Variants in GRN observed in about 807,000 individuals in gnomAD.
GRN encodes the protein granulin precursor.
A neutral mutation model predicts 66.7 loss-of-function variants in GRN; 30 were observed. That is an observed-to-expected ratio of 0.45 (90% CI 0.34 to 0.61). The LOEUF (loss-of-function observed/expected upper bound fraction) is 0.61. GRN is among the 20% of genes least tolerant of loss of function. The pLI is 0.01. For synonymous variants in GRN, 327 were observed against 311.1 expected, an observed-to-expected ratio of 1.05 and a Z score of -0.54; for missense variants, 731 against 803.5, an observed-to-expected ratio of 0.91 and a Z score of 1.09.
intron 6 of GRN, 26 bp from the exon 7 acceptor site, chr17:44,350,665 G>A (rs750513486): frequency 6.2e-7 from 1 of 1,611,098 alleles, no homozygotes; most frequent in South Asian, 1.1e-5. Flanking sequence ...CATCCTGGCT[G>A]CCCCTCACGT....
chr17:44,350,043 G>C, intron 4 of GRN, 185 bp from the exon 5 acceptor site: 1 of 677,046 alleles, frequency 1.5e-6, no homozygotes, highest in East Asian at 2.7e-5. Context: ...ATGCCATCTT[G>C]CTGAGGGAGG....
chr17:44,351,163 G>GCTGA lies in GRN; in HGVS notation c.835_835+1insCTGA (p.Val279AlafsTer8), dbSNP rs63750976. On this transcript the variant is annotated frameshift_variant and splice_region_variant. Transcript: ENST00000053867. LOFTEE classifies it high-confidence loss of function. ...CCTCACTAAGCTGCCTGCGCACACA[G>GCTGA]GTACCAGAGGCAGGGTGCAGATACA... The GCTGA allele has an allele frequency of 1.2e-6, 2 of 1,614,178 alleles. No homozygotes were observed. The highest frequency in any genetic ancestry group is 1.7e-6 in the Non-Finnish European group (2 of 1,180,008).
At chr17:44,349,855 C>T (rs561367027) in intron 4 of GRN, 104 bp downstream of exon 4, 4 of 779,184 alleles carry the variant, frequency 5.1e-6, no homozygotes, top group African/African-American at 3.4e-5. Context: ...GCCCTTGTGC[C>T]CTCATTCATG....
In GRN at chr17:44,349,703, C is replaced by T. The variant is rs543578531; in HGVS notation, c.301C>T (p.Arg101Trp). The T allele has an allele frequency of 1.7e-5, 28 of 1,612,972 alleles. No individual in the cohort carries two copies. Among genetic ancestry groups the T allele is most frequent in the African/African-American group, 5.3e-5 (4 of 74,934 alleles). ...CGGGGATGGCCATCACTGCTGCCCA[C>T]GGGGCTTCCACTGCAGTGCAGACGG... ...ACGDGHHCCP[R>W]GFHCSADGRS... Residue 101 changes from arginine to tryptophan, a missense_variant, in exon 4 of 13, where the codon CGG (arginine) becomes TGG (tryptophan). Around this residue, in one of 3 missense-constraint regions of GRN, gnomAD observed 370 missense variants for 379.8 expected, o/e 0.97. Transcript: ENST00000053867.
rs750822791 is a variant in GRN, at chr17:44,351,539, A to T, written c.934-11A>T. The T allele has an allele frequency of 1.1e-5, 17 of 1,613,946 alleles. No individual in the cohort carries two copies. In the South Asian group the frequency reaches 1.6e-4, roughly 16 times the overall value. ...CCCCAGTGCCCACCTGCCCTTCTTC[A>T]TCTGCCCTAGGCTGTGTGCTGTGAG... On this transcript the variant is annotated splice_polypyrimidine_tract_variant and intron_variant, in intron 9 of 12. Transcript: ENST00000053867.
chr17:44,351,429 C>T lies in GRN; in HGVS notation c.902C>T (p.Ser301Leu), dbSNP rs1026683055. ...PDGYTCCRLQ[S>L]GAWGCCPFTQ... ...GGCTATACCTGCTGCCGTCTACAGT[C>T]GGGGGCCTGGGGCTGCTGCCCTTTT... is the stretch of plus-strand genomic sequence containing the variant. The change falls in exon 9 of 13, where the codon TCG becomes TTG. Residue 301 changes from serine (S) to leucine (L), a missense_variant. By Grantham distance (145) the Ser-to-Leu change is moderately radical (BLOSUM62 -2). Transcript: ENST00000053867. 28 of 1,354,590 alleles carry T rather than the reference C, an allele frequency of 2.1e-5. No homozygotes were observed. The highest frequency in any genetic ancestry group is 3.0e-5 in the African/African-American group (2 of 66,052). 83.9% of individuals were successfully genotyped at this position (1,354,590 alleles called of 1,614,324 possible).
At chr17:44,350,639 A>T (rs765008327) in intron 6 of GRN, 52 bp from the exon 7 acceptor site, 9 of 1,611,682 alleles carry the variant, frequency 5.6e-6, no homozygotes, top group Non-Finnish European at 6.8e-6. Flanking sequence ...CTCCAAGTGT[A>T]GGAAAAAGTT....
chr17:44,346,991 C>A (rs1418948690), intron 1 of GRN, among the ~76,000 whole-genome samples: 1 of 151,960 alleles, frequency 6.6e-6, no homozygotes, highest in Non-Finnish European at 1.5e-5. Flanking sequence ...GTAGCGCACA[C>A]CTATAATCCC....
Position 44,350,809 on chromosome 17 carries a change from G to A in GRN, c.708+9G>A, listed in dbSNP as rs985978553. The A allele has an allele frequency of 1.3e-6, 2 of 1,598,794 alleles. No individual in the cohort carries two copies. The highest frequency in any genetic ancestry group is 2.2e-5 in the East Asian group (1 of 44,824). ...GCTGCCCAATGCCCAACGTGAGTGA[G>A]GGGCTGGAGCCAGCTTGGCTGTGTG... On this transcript the variant is annotated intron_variant, in intron 7 of 12. Transcript: ENST00000053867.
At position 44,352,985 on chromosome 17, in the gene GRN, A is replaced by AT. The variant is rs1392465795; in HGVS notation, c.*189dup. On this transcript the variant is annotated 3_prime_UTR_variant, in exon 13 of 13. Coordinates refer to ENST00000053867, the MANE Select transcript of GRN (RefSeq NM_002087.4). ...AGAAGGGGGTTGTGGCAAAAGCCAC[A>AT]TTACAAGCTGCCATCCCCTCCCCGT... 1 of 643,482 alleles carries AT rather than the reference A, an allele frequency of 1.6e-6. No homozygotes were observed. The highest frequency in any genetic ancestry group is 1.8e-5 in the African/African-American group (1 of 55,170). 39.9% of individuals were successfully genotyped at this position (643,482 alleles called of 1,614,324 possible).
rs751072702 is a variant in GRN, at chr17:44,352,192, G to A, written c.1357G>A (p.Gly453Arg). 5 of 1,613,282 alleles carry A rather than the reference G, an allele frequency of 3.1e-6. No homozygotes were observed. In the East Asian group the frequency reaches 8.9e-5, roughly 29 times the overall value. Residue 453 changes from glycine (G) to arginine (R), a missense_variant, in exon 11 of 13, where the codon GGG (glycine) becomes AGG (arginine). By Grantham distance (125) the Gly-to-Arg change is moderately radical. Transcript: ENST00000053867. ...TGACCAGCACACCAGCTGCCCGGTG[G>A]GGCAGACCTGCTGCCCGAGCCTGGG... Reference protein sequence around the residue: ...GCDQHTSCPVGQTCCPSLGGS... With the variant: ...GCDQHTSCPVRQTCCPSLGGS...
At position 44,348,199 on chromosome 17, in the gene GRN, CTTCATTATGAG is replaced by C. The variant is rs961535244; in HGVS notation, c.-7-956_-7-946del. On this transcript the variant is annotated intron_variant, in intron 1 of 12. Coordinates refer to ENST00000053867, the MANE Select transcript of GRN (RefSeq NM_002087.4). ...TCAACAGACATTACTGTTTTTGCTT[CTTCATTATGAG>C]TTACCTCTCTGGCCACCCCACTGAA... 1.6e-4 allele frequency among the ~76,000 whole-genome samples: 25 copies of C among 152,312 alleles called. No individual in the cohort carries two copies. The East Asian group carries it at 1.9e-3, about 12-fold the overall frequency.
intron 8 of GRN, 91 bp downstream of exon 8, chr17:44,351,254 GT>G: frequency 6.4e-7 from 1 of 1,561,092 alleles, no homozygotes; most frequent in Non-Finnish European, 8.8e-7. Context: ...GGTGTAAGCG[GT>G]ACCCTCCATC....
rs2048337901 is a variant in GRN, at chr17:44,347,946, G to GAAC, written c.-7-1212_-7-1211insAAC. Among the ~76,000 whole-genome samples, 19 of 42,564 alleles carry GAAC rather than the reference G, an allele frequency of 4.5e-4. 1 individual carries two copies. The highest frequency in any genetic ancestry group is 1.0e-3 in the Non-Finnish European group (16 of 16,010). The allele number at this position is 42,564 out of a possible 152,430, so 27.9% of individuals were successfully genotyped here. ...CTGTCTCAAAAAAAAAAAAAAAAAG[G>GAAC]GGGTGAGCAGACGTGGTGGCACGCT... On this transcript the variant is annotated intron_variant, in intron 1 of 12. Coordinates refer to ENST00000053867, the MANE Select transcript of GRN (RefSeq NM_002087.4).
Position 44,352,545 on chromosome 17 carries a change from G to C in GRN, c.1618G>C (p.Gly540Arg), listed in dbSNP as rs770884002. ...NQTCCRDNRQ[G>R]WACCPYRQGV... is the part of the protein sequence containing the mutation. ...GACCTGCTGCCGAGACAACCGACAGGGCTGGGCCTGCTGTCCCTACCGCCA... is the reference window on the plus strand; with the variant it reads ...GACCTGCTGCCGAGACAACCGACAGCGCTGGGCCTGCTGTCCCTACCGCCA... Residue 540 changes from glycine to arginine, a missense_variant, in exon 12 of 13, where the codon GGC becomes CGC. Coordinates refer to ENST00000053867, the MANE Select transcript of GRN (RefSeq NM_002087.4). The C allele has an allele frequency of 1.9e-6, 3 of 1,613,332 alleles. No individual in the cohort carries two copies. The highest frequency in any genetic ancestry group is 2.5e-6 in the Non-Finnish European group (3 of 1,179,876).
At position 44,350,817 on chromosome 17, in the gene GRN, A is replaced by G; in HGVS notation, c.708+17A>G. 6.3e-7 allele frequency: 1 copy of G among 1,588,570 alleles called. No individual in the cohort carries two copies. The highest frequency in any genetic ancestry group is 8.6e-7 in the Non-Finnish European group (1 of 1,156,982). Reference sequence around the variant, plus strand: ...ATGCCCAACGTGAGTGAGGGGCTGGAGCCAGCTTGGCTGTGTGCCCCCAGC... The same window carrying G: ...ATGCCCAACGTGAGTGAGGGGCTGGGGCCAGCTTGGCTGTGTGCCCCCAGC... On this transcript the variant is annotated intron_variant, in intron 7 of 12. Transcript: ENST00000053867.
intron 6 of GRN, 44 bp downstream of exon 6, chr17:44,350,621 C>T: frequency 3.1e-6 from 5 of 1,612,018 alleles, no homozygotes; most frequent in Non-Finnish European, 4.2e-6. Flanking sequence ...GGGGCGGGGC[C>T]TCATTGACTC....
rs1467250180 is a variant in GRN at position 44,349,441 on chromosome 17, A to G, written c.154A>G (p.Thr52Ala). 4 of 1,614,220 alleles carry G rather than the reference A, an allele frequency of 2.5e-6. No individual in the cohort carries two copies. Among genetic ancestry groups the G allele is most frequent in the Non-Finnish European group, 3.4e-6 (4 of 1,180,038 alleles). Reference protein sequence around the residue: ...CRPLLDKWPTTLSRHLGGPCQ... With the variant: ...CRPLLDKWPTALSRHLGGPCQ... ...GTCTTTCTAGGACAAATGGCCCACA[A>G]CACTGAGCAGGCATCTGGGTGGCCC... Residue 52 changes from threonine to alanine, a missense_variant, in exon 3 of 13, where the codon ACA (threonine) becomes GCA (alanine). By Grantham distance (58) the Thr-to-Ala change is moderately conservative (BLOSUM62 0). Coordinates refer to ENST00000053867, the MANE Select transcript of GRN (RefSeq NM_002087.4).
In GRN at chr17:44,349,729, G is replaced by A. The variant is rs753361816; in HGVS notation, c.327G>A (p.Gly109=). ...CPRGFHCSAD[G]RSCFQRSGNN... ...GGGGCTTCCACTGCAGTGCAGACGG[G>A]CGATCCTGCTTCCAAAGATCAGGTG... is the stretch of plus-strand genomic sequence containing the variant. The change falls in exon 4 of 13, where the codon GGG becomes GGA. Residue 109 remains glycine (G), a synonymous_variant. Coordinates refer to ENST00000053867, the MANE Select transcript of GRN (RefSeq NM_002087.4). 4.3e-6 allele frequency: 7 copies of A among 1,610,436 alleles called. No homozygotes were observed. In the Admixed American group the frequency reaches 1.2e-4, roughly 27 times the overall value.
Sources: gnomAD v4.1 joint callset for allele counts (sites outside exome capture counted in the v4.1 genomes callset) on GRCh38, gnomAD v4.1.1 for gene constraint, gnomAD v4.1.1 regional missense constraint, MANE v1.5 for transcripts, NCBI Gene and HGNC (gene_info 2026-07-23, HGNC 2026-07-21) for gene names.